The following CAND2 variants were observed in gnomAD, a reference collection of about 807,000 sequenced individuals.
CAND2 encodes cullin associated and neddylation dissociated 2 (putative).
Under a neutral mutation model 98.9 loss-of-function variants are expected in CAND2, and 62 were observed. The observed-to-expected ratio is 0.63, with a 90% CI of 0.51 to 0.77. The LOEUF is 0.77. CAND2 is among the 30% of genes least tolerant of loss of function. CAND2 has a pLI of 0.00. For synonymous variants in CAND2, 770 were observed against 731.9 expected (o/e 1.05, Z -0.84); for missense variants, 1,501 against 1,655.2 (o/e 0.91, Z 1.62).
At chr3:12,798,095 T>C (rs990877520) in intron 1 of CAND2, among the ~76,000 whole-genome samples, 3 of 87,204 alleles carry the variant, frequency 3.4e-5, no homozygotes, top group African/African-American at 3.1e-4. Flanking sequence ...ACAGAACCCA[T>C]CTCTGAGGGT....
At position 12,815,435 on chromosome 3, in the gene CAND2, T is replaced by G. The variant is rs749056146; in HGVS notation, c.1299+2T>G. The G allele has an allele frequency of 2.5e-6, 4 of 1,603,568 alleles. No homozygotes were observed. The highest frequency in any genetic ancestry group is 3.4e-6 in the Non-Finnish European group (4 of 1,172,632). ...AACCTCCATATGCTACGTGGACAGG[T>G]GGGCGTGCCTTCACCTCCACCCCTA... On this transcript the variant is annotated splice_donor_variant, in intron 8 of 14. Transcript: ENST00000456430. LOFTEE classifies it high-confidence loss of function. This position sits in a 1 kb window ranked among gnomAD's most constrained non-coding sequence, Gnocchi z 5.7.
chr3:12,821,415 A>AT (rs2124863512), intron 11 of CAND2, among the ~76,000 whole-genome samples: 1 of 152,138 alleles, frequency 6.6e-6, no homozygotes, highest in South Asian at 2.1e-4. Flanking sequence ...ATAAAAAAAA[A>AT]GGAACGGTTG....
At chr3:12,830,005 G>T (rs1206256340) in intron 13 of CAND2, among the ~76,000 whole-genome samples, 2 of 152,176 alleles carry the variant, frequency 1.3e-5, no homozygotes, top group African/African-American at 4.8e-5. Flanking sequence ...TGTGATCGGT[G>T]GGCTTCTAGG....
At position 12,810,155 on chromosome 3, in the gene CAND2, C is replaced by G. The variant is rs770824689; in HGVS notation, c.588C>G (p.Val196=). 9.8e-6 allele frequency: 15 copies of G among 1,525,992 alleles called. No homozygotes were observed. The highest frequency in any genetic ancestry group is 4.9e-5 in the South Asian group (4 of 82,434). The allele number at this position is 1,525,992 out of a possible 1,614,324, so 94.5% of individuals were successfully genotyped here. A position where few individuals can be genotyped will look rare whatever the true frequency, so the allele number is the denominator to read the frequency against. The change falls in exon 5 of 15, where the codon GTC becomes GTG. Residue 196 remains valine (V), a synonymous_variant. Transcript: ENST00000456430. ...GCCTGGCGGTGCGCAAGCGGGCGGT[C>G]GGAGCGCTTGGCCACCTGGCGGCCG... ...SPRLAVRKRA[V]GALGHLAAAC...
At chr3:12,799,945 G>A (rs1032558423) in intron 1 of CAND2, among the ~76,000 whole-genome samples, 6 of 152,214 alleles carry the variant, frequency 3.9e-5, no homozygotes, top group Admixed American at 1.3e-4. Flanking sequence ...GAAGAAGAGC[G>A]GGGATAGAAG....
chr3:12,801,034 ATTTTTTT>A (rs372893921), intron 1 of CAND2, among the ~76,000 whole-genome samples: 3 of 100,776 alleles, frequency 3.0e-5, no homozygotes, highest in Admixed American at 1.1e-4. Flanking sequence ...GGAAATCAGT[ATTTTTTT>A]TTTTTTTTTT....
chr3:12,799,269 C>T (rs1427141097), intron 1 of CAND2, among the ~76,000 whole-genome samples: 1 of 151,948 alleles, frequency 6.6e-6, no homozygotes, highest in Non-Finnish European at 1.5e-5. Context: ...TGAGGTAGGG[C>T]AAAGAAAAGT....
At chr3:12,812,240 T>TTTTTTTTTTTTG (rs71066940) in intron 5 of CAND2, among the ~76,000 whole-genome samples, 1 of 137,108 alleles carries the variant, frequency 7.3e-6, no homozygotes. Flanking sequence ...TTTTTTTTTT[T>TTTTTTTTTTTTG]GGAGATAGAA....
rs1051938295 is a variant in CAND2 at position 12,833,994 on chromosome 3, C to A, written c.*12C>A. On this transcript the variant is annotated 3_prime_UTR_variant, in exon 15 of 15. Coordinates refer to ENST00000456430, the MANE Select transcript of CAND2 (RefSeq NM_001162499.2). ...TGGAGCTCAGCTAGTCCCCTCAGCA[C>A]CAAGGTGGGCCCTCGCTTAAGAGAA... 4.4e-6 allele frequency: 7 copies of A among 1,607,986 alleles called. No homozygotes were observed. The highest frequency in any genetic ancestry group is 1.7e-6 in the Non-Finnish European group (2 of 1,174,590).
chr3:12,826,742 C>T (rs1359163816), intron 12 of CAND2, among the ~76,000 whole-genome samples: 2 of 151,812 alleles, frequency 1.3e-5, no homozygotes. Context: ...CACTTACAAG[C>T]AGTGTATCCT....
At chr3:12,830,102 T>C (rs2062040911) in intron 13 of CAND2, among the ~76,000 whole-genome samples, 1 of 152,164 alleles carries the variant, frequency 6.6e-6, no homozygotes, top group African/African-American at 2.4e-5. Flanking sequence ...CACTCCAGAC[T>C]TGGAGTTCCT....
chr3:12,825,274 T>C (rs997395453), intron 11 of CAND2, among the ~76,000 whole-genome samples, 196 bp from the exon 12 acceptor site: 2 of 152,160 alleles, frequency 1.3e-5, no homozygotes, highest in Admixed American at 6.5e-5. Context: ...GGAAGCCACA[T>C]CAGCTCAAGC....
At position 12,796,737 on chromosome 3, in the gene CAND2, TC is replaced by T; in HGVS notation, c.19del (p.His7ThrfsTer9). The T allele has an allele frequency of 6.3e-7, 1 of 1,588,478 alleles. No homozygotes were observed. The highest frequency in any genetic ancestry group is 8.6e-7 in the Non-Finnish European group (1 of 1,167,688). On this transcript the variant is annotated frameshift_variant, in exon 1 of 15. Transcript: ENST00000456430. LOFTEE classifies it high-confidence loss of function. ...GCAGCCACCATGAGCACCGCCGCCTTCCACATCTCCAGCCTCCTGGAGAAGA... is the reference window on the plus strand; with the variant it reads ...GCAGCCACCATGAGCACCGCCGCCTTCACATCTCCAGCCTCCTGGAGAAGA... MSTAA[F>X]HISSLLEKMT...
At position 12,831,489 on chromosome 3, in the gene CAND2, C is replaced by G. The variant is rs770416028; in HGVS notation, c.3400C>G (p.Arg1134Gly). 1 of 1,613,918 alleles carries G rather than the reference C, an allele frequency of 6.2e-7. No individual in the cohort carries two copies. Among genetic ancestry groups the G allele is most frequent in the Non-Finnish European group, 8.5e-7 (1 of 1,179,996 alleles). Reference sequence around the variant, plus strand: ...GATGCTGACCTTCATCATGGTTGCCCGGCTGGCCACCCTGTGTCCTGCACC... The same window carrying G: ...GATGCTGACCTTCATCATGGTTGCCGGGCTGGCCACCCTGTGTCCTGCACC... ...IRMLTFIMVA[R>G]LATLCPAPVL... Residue 1134 changes from arginine to glycine, a missense_variant, in exon 14 of 15, where the codon CGG becomes GGG. Around this residue, in one of 3 missense-constraint regions of CAND2, gnomAD observed 1,427 missense variants for 1,545.3 expected, o/e 0.92. Transcript: ENST00000456430.
At chr3:12,809,158 C>T (rs2061830322) in intron 4 of CAND2, among the ~76,000 whole-genome samples, 1 of 151,986 alleles carries the variant, frequency 6.6e-6, no homozygotes, top group Admixed American at 6.6e-5. Flanking sequence ...CCCTAGGGTT[C>T]TGCCTTTAGT....
chr3:12,813,142 G>C (rs2061867719), intron 6 of CAND2, 47 bp downstream of exon 6: 1 of 1,568,186 alleles, frequency 6.4e-7, no homozygotes, highest in East Asian at 2.3e-5. Context: ...AAGTTGGTGG[G>C]GATGCTGGCC....
intron 14 of CAND2, 51 bp downstream of exon 14, chr3:12,831,623 C>A: frequency 9.9e-7 from 1 of 1,009,244 alleles, no homozygotes. Context: ...CTATGGAGTC[C>A]TCGGCCAGTC....
At chr3:12,808,412 C>A in intron 4 of CAND2, 79 bp downstream of exon 4, 1 of 1,460,472 alleles carries the variant, frequency 6.8e-7, no homozygotes, top group Non-Finnish European at 9.3e-7. Flanking sequence ...GAGCTAGCAC[C>A]TACTGCACAC....
At chr3:12,803,034 G>A (rs1249286456) in intron 1 of CAND2, among the ~76,000 whole-genome samples, 1 of 139,290 alleles carries the variant, frequency 7.2e-6, no homozygotes, top group Non-Finnish European at 1.5e-5. Flanking sequence ...CTGTCGCCCA[G>A]GCTGGAGTAC....
Sources: allele counts gnomAD v4.1 joint callset (sites outside exome capture counted in the v4.1 genomes callset), GRCh38; gene constraint gnomAD v4.1.1; regional missense constraint gnomAD v4.1.1; non-coding constraint Gnocchi (gnomAD v3.1); transcripts MANE v1.5; gene names NCBI Gene and HGNC (gene_info 2026-07-23, HGNC 2026-07-21).